Variants in CWF19L1 observed in about 807,000 individuals in gnomAD.
CWF19L1 encodes the protein CWF19 like cell cycle control factor 1.
In CWF19L1, 60 loss-of-function variants were observed where a neutral mutation model predicts 69.7. The observed-to-expected ratio is 0.86, with a 90% confidence interval of 0.70 to 1.07. CWF19L1 has a LOEUF of 1.07. CWF19L1 is among the 50% of genes least tolerant of loss of function. The pLI, the probability that CWF19L1 is intolerant of heterozygous loss-of-function variation, is 0.00. For missense variants in CWF19L1, 591 were observed against 638.9 expected, an observed-to-expected ratio of 0.92 and a Z score of 0.81; for synonymous variants, 209 against 222.2, an observed-to-expected ratio of 0.94 and a Z score of 0.53.
chr10:100,250,242 C>A lies in CWF19L1; in HGVS notation c.708+6G>T. ...TCAACCTTCCACCAAATAGGTAAAT[C>A]TTTACCTTTTTCTTTTCTGGATTTC... On this transcript the variant is annotated splice_donor_region_variant and intron_variant, in intron 7 of 13. Transcript: ENST00000354105. The A allele has an allele frequency of 8.2e-6, 13 of 1,577,106 alleles. No individual in the cohort carries two copies. The highest frequency in any genetic ancestry group is 1.1e-5 in the Non-Finnish European group (13 of 1,146,908).
intron 2 of CWF19L1, among the ~76,000 whole-genome samples, chr10:100,261,336 G>C (rs567220218): frequency 6.6e-6 from 1 of 152,254 alleles, no homozygotes; most frequent in South Asian, 2.1e-4. Context: ...CAAATTCCCA[G>C]TCCCACTCTG....
At chr10:100,243,620 T>C in intron 10 of CWF19L1, 78 bp downstream of exon 10, 1 of 1,227,082 alleles carries the variant, frequency 8.1e-7, no homozygotes, top group Admixed American at 1.7e-5. Flanking sequence ...AAATGTTATA[T>C]GTAGATTATG....
intron 6 of CWF19L1, among the ~76,000 whole-genome samples, chr10:100,251,173 T>C (rs930884095): frequency 8.5e-5 from 13 of 152,208 alleles, no homozygotes; most frequent in Non-Finnish European, 1.8e-4. Context: ...AATAATGCTA[T>C]TATGATCATC....
intron 10 of CWF19L1, among the ~76,000 whole-genome samples, chr10:100,240,300 T>C (rs1455297716): frequency 2.6e-5 from 4 of 152,158 alleles, no homozygotes; most frequent in Non-Finnish European, 5.9e-5. Context: ...CACAATTCTA[T>C]GTACTACCTT....
chr10:100,246,009 A>G, intron 8 of CWF19L1, 96 bp from the exon 9 acceptor site: 5 of 866,480 alleles, frequency 5.8e-6, no homozygotes, highest in Non-Finnish European at 9.5e-6. Flanking sequence ...CTGCCATGCC[A>G]TACCTATCTT....
Position 100,260,994 on chromosome 10 carries a change from C to T in CWF19L1, c.159G>A (p.Trp53Ter). ...TCTTGATGCCAGTCTTATACTCCTCCCATTCAGCATCTTGGGTGGAGCCAA... is the reference window on the plus strand; with the variant it reads ...TCTTGATGCCAGTCTTATACTCCTCTCATTCAGCATCTTGGGTGGAGCCAA... ...NFFGSTQDAE[W>*]EEYKTGIKKA... The change falls in exon 3 of 14, where the codon TGG becomes TGA. Residue 53 changes from tryptophan (W) to a stop codon, truncating the protein, a stop_gained. Coordinates refer to ENST00000354105, the MANE Select transcript of CWF19L1 (RefSeq NM_018294.6). LOFTEE classifies it high-confidence loss of function. 6.2e-7 allele frequency: 1 copy of T among 1,612,092 alleles called. No homozygotes were observed. Among genetic ancestry groups the T allele is most frequent in the African/African-American group, 1.3e-5 (1 of 74,964 alleles).
At chr10:100,241,645 T>C (rs1846643408) in intron 10 of CWF19L1, among the ~76,000 whole-genome samples, 1 of 152,254 alleles carries the variant, frequency 6.6e-6, no homozygotes, top group African/African-American at 2.4e-5. Context: ...CTTGTGGTTC[T>C]GTAGACTGGG....
intron 7 of CWF19L1, 37 bp downstream of exon 7, chr10:100,250,211 T>A (rs778930399): frequency 7.6e-7 from 1 of 1,315,690 alleles, no homozygotes; most frequent in Non-Finnish European, 1.1e-6. Context: ...AGGCAGACCA[T>A]GAATATCAAC....
Position 100,233,095 on chromosome 10 carries a change from C to A in CWF19L1, c.*132G>T, listed in dbSNP as rs1564846902. Reference sequence around the variant, plus strand: ...CCCAGGAGGTTGAGGCTACAGTGAGCCACAGTTATGCCACTGCAATCCTGC... The same window carrying A: ...CCCAGGAGGTTGAGGCTACAGTGAGACACAGTTATGCCACTGCAATCCTGC... On this transcript the variant is annotated 3_prime_UTR_variant, in exon 14 of 14. Transcript: ENST00000354105. The A allele has an allele frequency of 1.1e-6, 1 of 898,522 alleles. No homozygotes were observed. The highest frequency in any genetic ancestry group is 2.9e-5 in the East Asian group (1 of 35,066). 55.7% of individuals were successfully genotyped at this position (898,522 alleles called of 1,614,324 possible).
At chr10:100,257,809 C>A (rs1847265459) in intron 4 of CWF19L1, among the ~76,000 whole-genome samples, 1 of 152,124 alleles carries the variant, frequency 6.6e-6, no homozygotes. Flanking sequence ...TCCCCACCCA[C>A]CAAGGTACTA....
chr10:100,255,881 G>T (rs557722977), intron 5 of CWF19L1, among the ~76,000 whole-genome samples: 12 of 151,766 alleles, frequency 7.9e-5, no homozygotes, highest in African/African-American at 2.2e-4. Flanking sequence ...AGTGAGCCAA[G>T]ATCGCACCAC....
intron 1 of CWF19L1, 27 bp from the exon 2 acceptor site, chr10:100,262,090 GCAATTCAGGAAA>G (rs1268639376): frequency 1.9e-6 from 3 of 1,595,424 alleles, no homozygotes; most frequent in Non-Finnish European, 2.6e-6. Flanking sequence ...AAACATTATA[GCAATTCAGGAAA>G]CAAATGGGCC....
At chr10:100,246,212 C>G (rs1301768290) in intron 8 of CWF19L1, 1 of 279,056 alleles carries the variant, frequency 3.6e-6, no homozygotes, top group South Asian at 5.4e-5. Flanking sequence ...ATTCTCTTTT[C>G]TTTTTTCTCT....
In CWF19L1 at chr10:100,233,500, A is replaced by G. The variant is rs1413460174; in HGVS notation, c.1473-129T>C. The G allele has an allele frequency of 6.2e-6, 5 of 801,680 alleles. No individual in the cohort carries two copies. The East Asian group carries it at 8.3e-5, about 13-fold the overall frequency. The allele number at this position is 801,680 out of a possible 1,614,324, so 49.7% of individuals were successfully genotyped here. A position where few individuals can be genotyped will look rare whatever the true frequency, so the allele number is the denominator to read the frequency against. On this transcript the variant is annotated intron_variant, in intron 13 of 13. Transcript: ENST00000354105. ...CCCTGAGTGCCATCTCTGCCATACTATTGATCAAAATCATACCCGTTTTAA... is the reference window on the plus strand; with the variant it reads ...CCCTGAGTGCCATCTCTGCCATACTGTTGATCAAAATCATACCCGTTTTAA...
At chr10:100,251,642 G>C (rs12250909) in intron 6 of CWF19L1, among the ~76,000 whole-genome samples, 10 of 150,772 alleles carry the variant, frequency 6.6e-5, no homozygotes, top group Admixed American at 2.0e-4. Context: ...CTTCCAAGTA[G>C]CTGGGACTAC....
intron 10 of CWF19L1, among the ~76,000 whole-genome samples, chr10:100,243,393 T>C (rs1468693073): frequency 1.3e-5 from 2 of 152,226 alleles, no homozygotes; most frequent in Non-Finnish European, 2.9e-5. Context: ...ACATGTTGTA[T>C]GATTCCATTT....
intron 7 of CWF19L1, among the ~76,000 whole-genome samples, chr10:100,247,285 T>C (rs1846858043): frequency 2.0e-5 from 3 of 152,200 alleles, no homozygotes; most frequent in South Asian, 4.1e-4. Flanking sequence ...TGTCTCTGAG[T>C]CCCTTATCTT....
At chr10:100,248,093 T>C (rs1846890465) in intron 7 of CWF19L1, among the ~76,000 whole-genome samples, 1 of 152,048 alleles carries the variant, frequency 6.6e-6, no homozygotes, top group Non-Finnish European at 1.5e-5. Flanking sequence ...TCCCTGAGAA[T>C]AAAACAGACT....
intron 1 of CWF19L1, among the ~76,000 whole-genome samples, chr10:100,265,163 T>A (rs1456563249): frequency 6.7e-6 from 1 of 149,460 alleles, no homozygotes; most frequent in Non-Finnish European, 1.5e-5. Flanking sequence ...AAAAAAGTAA[T>A]AGAAAAAAGC....
Sources: allele counts gnomAD v4.1 joint callset (sites outside exome capture counted in the v4.1 genomes callset), GRCh38; gene constraint gnomAD v4.1.1; transcripts MANE v1.5; gene names NCBI Gene and HGNC (gene_info 2026-07-23, HGNC 2026-07-21).